ARHGAP10: variants seen among roughly 807,000 people sequenced by gnomAD.
ARHGAP10 encodes the protein rho GTPase-activating protein 10.
Under a neutral mutation model 108.6 loss-of-function variants are expected in ARHGAP10, and 87 were observed. The ratio of observed to expected loss-of-function variants is 0.80; its 90% CI spans 0.67 to 0.96. The LOEUF (loss-of-function observed/expected upper bound fraction) is 0.96. ARHGAP10 is among the 40% of genes least tolerant of loss of function. ARHGAP10 has a pLI of 0.00. For missense variants in ARHGAP10, 939 were observed against 954.5 expected, an observed-to-expected ratio of 0.98 and a Z score of 0.21; for synonymous variants, 347 against 341.1, an observed-to-expected ratio of 1.02 and a Z score of -0.19.
intron 1 of ARHGAP10, among the ~76,000 whole-genome samples, chr4:147,789,014 T>C (rs1221904968): frequency 6.6e-6 from 1 of 152,156 alleles, no homozygotes; most frequent in African/African-American, 2.4e-5. Context: ...GCTAATGAAA[T>C]TTTCACAGAA....
intron 10 of ARHGAP10, among the ~76,000 whole-genome samples, chr4:147,882,783 C>T (rs1208105368): frequency 6.6e-6 from 1 of 152,078 alleles, no homozygotes; most frequent in Non-Finnish European, 1.5e-5. Context: ...AAATTTTGTT[C>T]ATCAGTATTA....
intron 10 of ARHGAP10, among the ~76,000 whole-genome samples, chr4:147,886,636 T>C (rs1735577497): frequency 6.6e-6 from 1 of 152,248 alleles, no homozygotes; most frequent in Non-Finnish European, 1.5e-5. Flanking sequence ...CAATCCCAAC[T>C]TAAGATTCAG....
At chr4:147,953,099 A>G (rs1487669284) in intron 15 of ARHGAP10, among the ~76,000 whole-genome samples, 1 of 151,728 alleles carries the variant, frequency 6.6e-6, no homozygotes, top group African/African-American at 2.4e-5. Context: ...TTATGCTAGT[A>G]TTGTATTCCT....
intron 1 of ARHGAP10, among the ~76,000 whole-genome samples, chr4:147,747,163 T>TTTTC (rs948732186): frequency 2.0e-5 from 3 of 152,106 alleles, no homozygotes; most frequent in African/African-American, 7.2e-5. Flanking sequence ...TCTTTTTTTT[T>TTTTC]TTTCCCCCAA....
chr4:147,948,788 C>G (rs1738482798), intron 15 of ARHGAP10, among the ~76,000 whole-genome samples: 1 of 151,018 alleles, frequency 6.6e-6, no homozygotes, highest in Admixed American at 6.6e-5. Flanking sequence ...AACCCCGTCT[C>G]TACTAAAAAA....
At chr4:147,830,809 C>T (rs565872835) in intron 3 of ARHGAP10, among the ~76,000 whole-genome samples, 4 of 152,220 alleles carry the variant, frequency 2.6e-5, no homozygotes, top group South Asian at 2.1e-4. Flanking sequence ...TGTGAGCCAC[C>T]GCACCCAGTT....
chr4:147,991,960 C>T (rs554403067), intron 18 of ARHGAP10, among the ~76,000 whole-genome samples: 116 of 152,228 alleles, frequency 7.6e-4, no homozygotes, highest in Non-Finnish European at 1.4e-3. Flanking sequence ...AGGTGAAGTG[C>T]GAATTGTCAG....
intron 3 of ARHGAP10, among the ~76,000 whole-genome samples, chr4:147,828,719 T>TC (rs1732821790): frequency 6.6e-6 from 1 of 152,056 alleles, no homozygotes; most frequent in African/African-American, 2.4e-5. Context: ...CCCCTTCCTT[T>TC]CCCCCCTACA....
chr4:147,941,194 C>A (rs1295397656), intron 14 of ARHGAP10, among the ~76,000 whole-genome samples: 1 of 152,146 alleles, frequency 6.6e-6, no homozygotes, highest in Non-Finnish European at 1.5e-5. Context: ...GAAATGTGGA[C>A]TGAAAGGCAC....
intron 3 of ARHGAP10, among the ~76,000 whole-genome samples, chr4:147,827,256 A>G (rs549262122): frequency 6.6e-6 from 1 of 152,210 alleles, no homozygotes; most frequent in Non-Finnish European, 1.5e-5. Context: ...CTAAAACATA[A>G]CTGATGCATT....
chr4:147,886,817 C>T (rs2126879768), intron 10 of ARHGAP10, among the ~76,000 whole-genome samples: 1 of 152,312 alleles, frequency 6.6e-6, no homozygotes, highest in Admixed American at 6.5e-5. Flanking sequence ...GTCACCCAGG[C>T]TGGAGGGCAG....
chr4:147,799,566 C>T (rs1427394690), intron 1 of ARHGAP10, among the ~76,000 whole-genome samples: 1 of 152,076 alleles, frequency 6.6e-6, no homozygotes, highest in Admixed American at 6.6e-5. Flanking sequence ...TCCTCAAGTT[C>T]AGTGATTTTT....
At chr4:147,868,572 A>C (rs1433710223) in intron 7 of ARHGAP10, among the ~76,000 whole-genome samples, 1 of 152,182 alleles carries the variant, frequency 6.6e-6, no homozygotes, top group East Asian at 1.9e-4. Context: ...TGCAGGCAGC[A>C]GAAAACAGTT....
At chr4:147,966,335 C>T (rs887367318) in intron 17 of ARHGAP10, among the ~76,000 whole-genome samples, 3 of 152,166 alleles carry the variant, frequency 2.0e-5, no homozygotes, top group Non-Finnish European at 4.4e-5. Context: ...TTTTCTTTAT[C>T]CATGGGTTTC....
intron 11 of ARHGAP10, among the ~76,000 whole-genome samples, chr4:147,907,932 T>C (rs1736569483): frequency 6.6e-6 from 1 of 152,150 alleles, no homozygotes; most frequent in South Asian, 2.1e-4. Flanking sequence ...AACCTCTGCC[T>C]CCTGGGTTTA....
At chr4:147,843,471 ATTCT>A (rs1296363838) in intron 3 of ARHGAP10, among the ~76,000 whole-genome samples, 5 of 152,142 alleles carry the variant, frequency 3.3e-5, no homozygotes, top group Non-Finnish European at 7.4e-5. Flanking sequence ...CTGAGCTCTC[ATTCT>A]TTCTTTAAAA....
At chr4:147,961,006 A>G (rs945377748) in intron 16 of ARHGAP10, among the ~76,000 whole-genome samples, 4 of 152,280 alleles carry the variant, frequency 2.6e-5, no homozygotes, top group Admixed American at 2.6e-4. Flanking sequence ...CGCTGCTGTG[A>G]GTATAGGAGT....
chr4:147,885,387 A>G lies in ARHGAP10; in HGVS notation c.1034+3455A>G, dbSNP rs547807406. 1.2e-4 allele frequency among the ~76,000 whole-genome samples: 18 copies of G among 152,294 alleles called. 1 individual carries two copies. Among genetic ancestry groups the G allele is most frequent in the African/African-American group, 4.3e-4 (18 of 41,550 alleles). ...TGTGCAGGGAACTGCCCTTTATAAA[A>G]ACTATCAGATCTTGTGAGACTTATT... On this transcript the variant is annotated intron_variant, in intron 10 of 22. Coordinates refer to ENST00000336498, the MANE Select transcript of ARHGAP10 (RefSeq NM_024605.4).
chr4:148,039,929 C>G (rs867126878), intron 19 of ARHGAP10, among the ~76,000 whole-genome samples: 1 of 152,174 alleles, frequency 6.6e-6, no homozygotes, highest in African/African-American at 2.4e-5. Context: ...TTACAAATCT[C>G]TAAATCTCTG....
Sources: gnomAD v4.1 joint callset for allele counts (sites outside exome capture counted in the v4.1 genomes callset) on GRCh38, gnomAD v4.1.1 for gene constraint, MANE v1.5 for transcripts, NCBI Gene and HGNC (gene_info 2026-07-23, HGNC 2026-07-21) for gene names.